The following SOAT1 variants were observed in gnomAD, a reference collection of about 807,000 sequenced individuals.
SOAT1 encodes acyl-coenzyme A:cholesterol acyltransferase 1.
In SOAT1, 55 loss-of-function variants were observed where a neutral mutation model predicts 69.5. The observed-to-expected ratio is 0.79, with a 90% CI of 0.64 to 0.99. The LOEUF is 0.99. Ranked by LOEUF, SOAT1 falls within the 50% of genes least tolerant of loss-of-function variation. SOAT1 has a pLI of 0.00. For synonymous variants in SOAT1, 231 were observed against 224.7 expected (o/e 1.03, Z -0.25); for missense variants, 580 against 669.3 (o/e 0.87, Z 1.47).
intron 1 of SOAT1, among the ~76,000 whole-genome samples, chr1:179,295,104 T>C (rs1182478157): frequency 1.3e-5 from 2 of 152,198 alleles, no homozygotes; most frequent in African/African-American, 4.8e-5. Context: ...TTAGAATGCA[T>C]CTGAGGTTTC....
intron 6 of SOAT1, 51 bp from the exon 7 acceptor site, chr1:179,340,977 G>A (rs1666315148): frequency 6.4e-7 from 1 of 1,552,360 alleles, no homozygotes; most frequent in Non-Finnish European, 8.8e-7. Flanking sequence ...TGAACTCAGT[G>A]TATATTAAAA....
At chr1:179,340,279 G>A (rs1666288447) in intron 6 of SOAT1, among the ~76,000 whole-genome samples, 1 of 152,162 alleles carries the variant, frequency 6.6e-6, no homozygotes, top group Non-Finnish European at 1.5e-5. Flanking sequence ...AGGATCACTT[G>A]AGCTTAGGAG....
At chr1:179,342,443 T>C (rs1335961700) in intron 8 of SOAT1, among the ~76,000 whole-genome samples, 1 of 152,092 alleles carries the variant, frequency 6.6e-6, no homozygotes. Context: ...AATGTAGAGA[T>C]TGTGTTTTAT....
chr1:179,323,388 A>G (rs774203479), intron 2 of SOAT1, 49 bp from the exon 3 acceptor site: 1 of 1,462,020 alleles, frequency 6.8e-7, no homozygotes. Context: ...CAGTGCTACT[A>G]GGTAGCTGTA....
intron 2 of SOAT1, among the ~76,000 whole-genome samples, chr1:179,316,868 A>G (rs1483657692): frequency 6.6e-6 from 1 of 152,212 alleles, no homozygotes; most frequent in African/African-American, 2.4e-5. Flanking sequence ...TCCAAGTGAC[A>G]TACTGTGAAA....
rs146950553 is a variant in SOAT1 at position 179,343,904 on chromosome 1, C to T, written c.987+269C>T. On this transcript the variant is annotated intron_variant, in intron 10 of 15. Coordinates refer to ENST00000367619, the MANE Select transcript of SOAT1 (RefSeq NM_003101.6). ...TTGGGAGGCCTAGGTGGGCAGATCG[C>T]GAGGTCAGGAGTTCAAGACCAGCCT... Among the ~76,000 whole-genome samples the T allele has an allele frequency of 4.2e-3, 642 of 152,174 alleles. 5 individuals are homozygous for T. The highest frequency in any genetic ancestry group is 0.014 in the African/African-American group (593 of 41,526).
At chr1:179,300,806 G>GT (rs1176052131) in intron 1 of SOAT1, among the ~76,000 whole-genome samples, 3 of 151,878 alleles carry the variant, frequency 2.0e-5, no homozygotes, top group African/African-American at 4.8e-5. Context: ...ATTTAAAATT[G>GT]TTTTTTTGGC....
Position 179,343,632 on chromosome 1 carries a change from A to G in SOAT1, c.984A>G (p.Ala328=). 6.2e-7 allele frequency: 1 copy of G among 1,610,526 alleles called. No homozygotes were observed. Among genetic ancestry groups the G allele is most frequent in the Non-Finnish European group, 8.5e-7 (1 of 1,177,578 alleles). The part of the protein sequence containing the change: ...VRWGYVAMKF[A]QVFGCFFYVY... ...GGGGTTATGTCGCTATGAAGTTTGC[A>G]CAGGTAAGTTTTTGTAACTGCCTAA... The change falls in exon 10 of 16, where the codon GCA becomes GCG. Residue 328 remains alanine (A), a synonymous_variant. Coordinates refer to ENST00000367619, the MANE Select transcript of SOAT1 (RefSeq NM_003101.6).
chr1:179,314,495 T>C (rs1299458616), intron 2 of SOAT1, among the ~76,000 whole-genome samples: 1 of 152,170 alleles, frequency 6.6e-6, no homozygotes, highest in Non-Finnish European at 1.5e-5. Flanking sequence ...CACTCCACAT[T>C]TCCGTTTTTG....
At chr1:179,308,283 C>T (rs1474460839) in intron 2 of SOAT1, among the ~76,000 whole-genome samples, 1 of 152,048 alleles carries the variant, frequency 6.6e-6, no homozygotes, top group African/African-American at 2.4e-5. Flanking sequence ...GGTAATAAGG[C>T]AGATTATCTT....
intron 6 of SOAT1, among the ~76,000 whole-genome samples, chr1:179,339,759 C>T (rs1186612599): frequency 1.3e-5 from 2 of 152,120 alleles, no homozygotes; most frequent in Non-Finnish European, 2.9e-5. Flanking sequence ...TTGAATAGAC[C>T]ATAATCAGTA....
chr1:179,337,791 A>C (rs1666208017), intron 4 of SOAT1, 46 bp from the exon 5 acceptor site: 6 of 1,356,824 alleles, frequency 4.4e-6, no homozygotes, highest in Admixed American at 2.1e-5. Context: ...GATTTCTTAT[A>C]ATACTTGAAG....
chr1:179,303,028 G>C (rs567541167), intron 2 of SOAT1, among the ~76,000 whole-genome samples: 1 of 152,112 alleles, frequency 6.6e-6, no homozygotes, highest in South Asian at 2.1e-4. Context: ...ATTCAGTCAC[G>C]TAACCTACCA....
At chr1:179,313,394 T>C (rs1665283192) in intron 2 of SOAT1, among the ~76,000 whole-genome samples, 1 of 141,582 alleles carries the variant, frequency 7.1e-6, no homozygotes, top group African/African-American at 2.4e-5. Context: ...AACACTATAG[T>C]TATGATATGT....
At chr1:179,295,416 C>T (rs1018983402) in intron 1 of SOAT1, among the ~76,000 whole-genome samples, 1 of 152,186 alleles carries the variant, frequency 6.6e-6, no homozygotes, top group Non-Finnish European at 1.5e-5. Flanking sequence ...AGAAGTTGAT[C>T]ATTAATTGTA....
chr1:179,351,709 C>T (rs1281586976), intron 15 of SOAT1, among the ~76,000 whole-genome samples: 4 of 131,972 alleles, frequency 3.0e-5, no homozygotes, highest in East Asian at 2.3e-4. Context: ...GCCTTTTCTT[C>T]AGCCCCTTCT....
intron 2 of SOAT1, among the ~76,000 whole-genome samples, chr1:179,308,777 C>G (rs1004320530): frequency 7.0e-6 from 1 of 143,148 alleles, no homozygotes; most frequent in Non-Finnish European, 1.5e-5. Flanking sequence ...AATTCAAACA[C>G]TATAGAAAGT....
At chr1:179,313,528 A>G (rs1665288563) in intron 2 of SOAT1, among the ~76,000 whole-genome samples, 1 of 150,568 alleles carries the variant, frequency 6.6e-6, no homozygotes, top group South Asian at 2.1e-4. Flanking sequence ...GTGTATATAT[A>G]TATGTATATG....
intron 1 of SOAT1, among the ~76,000 whole-genome samples, chr1:179,300,420 C>T (rs1387683107): frequency 6.6e-6 from 1 of 152,122 alleles, no homozygotes; most frequent in Non-Finnish European, 1.5e-5. Flanking sequence ...ATTTATTAGC[C>T]CTGACTTTTC....
Sources: allele counts gnomAD v4.1 joint callset (sites outside exome capture counted in the v4.1 genomes callset), GRCh38; gene constraint gnomAD v4.1.1; transcripts MANE v1.5; gene names NCBI Gene and HGNC (gene_info 2026-07-23, HGNC 2026-07-21).